Variants in DTNB observed in about 807,000 individuals in gnomAD.
The protein encoded by DTNB is dystrobrevin beta, also known as DTN-B.
In DTNB, 63 loss-of-function variants were observed where a neutral mutation model predicts 90.7. The ratio of observed to expected loss-of-function variants is 0.69; its 90% confidence interval spans 0.57 to 0.86. The LOEUF (loss-of-function observed/expected upper bound fraction) is 0.86. Ranked by LOEUF, DTNB falls within the 40% of genes least tolerant of loss-of-function variation. The pLI is 0.00. For missense variants in DTNB, 744 were observed against 807.1 expected (o/e 0.92, Z 0.95); for synonymous variants, 277 against 286.7 (o/e 0.97, Z 0.34).
At chr2:25,658,445 T>G (rs1277660870) in intron 1 of DTNB, among the ~76,000 whole-genome samples, 1 of 152,116 alleles carries the variant, frequency 6.6e-6, no homozygotes, top group Non-Finnish European at 1.5e-5. Flanking sequence ...AGTTGAAAAT[T>G]TATGTCCACA....
intron 16 of DTNB, among the ~76,000 whole-genome samples, chr2:25,390,551 C>A (rs968604282): frequency 1.3e-5 from 2 of 151,542 alleles, no homozygotes; most frequent in East Asian, 3.9e-4. Context: ...TCAACCAATT[C>A]TCCTGCCTCA....
intron 4 of DTNB, among the ~76,000 whole-genome samples, chr2:25,619,983 T>C (rs1267284718): frequency 1.3e-5 from 2 of 151,976 alleles, no homozygotes; most frequent in South Asian, 2.1e-4. Context: ...GAGGTTGCAG[T>C]GAGCTGAGAT....
rs138924641 is a variant in DTNB, at chr2:25,669,862, G to C, written c.-2+3524C>G. The stretch of plus-strand genomic sequence containing the variant: ...GGGAGAATCACTTGAGCCCTGGAGT[G>C]CCACTGCACTCCAGTCTGGGCGACA... On this transcript the variant is annotated intron_variant, in intron 1 of 20. Coordinates refer to ENST00000406818, the MANE Select transcript of DTNB (RefSeq NM_021907.5). Among the ~76,000 whole-genome samples the C allele has an allele frequency of 2.6e-3, 388 of 151,118 alleles. 3 individuals carry two copies. The highest frequency in any genetic ancestry group is 0.014 in the South Asian group (66 of 4,780).
intron 9 of DTNB, among the ~76,000 whole-genome samples, chr2:25,491,971 A>G (rs2067612744): frequency 6.6e-6 from 1 of 151,682 alleles, no homozygotes; most frequent in Admixed American, 6.6e-5. Flanking sequence ...CGTGGGAGCA[A>G]GAGGATTTGA....
At position 25,415,348 on chromosome 2, in the gene DTNB, G is replaced by A. The variant is rs565370389; in HGVS notation, c.1575+4167C>T. On this transcript the variant is annotated intron_variant, in intron 16 of 20. Coordinates refer to ENST00000406818, the MANE Select transcript of DTNB (RefSeq NM_021907.5). ...TGCAACATCCACCTCCCAGGTTCAA[G>A]CGATTCTCCTGCCTCAGCCTCCCGA... Among the ~76,000 whole-genome samples the A allele has an allele frequency of 2.7e-5, 4 of 150,316 alleles. No homozygotes were observed. The South Asian group carries it at 8.4e-4, about 32-fold the overall frequency.
At chr2:25,526,395 A>ATATATATATTTT in intron 9 of DTNB, among the ~76,000 whole-genome samples, 233 of 49,810 alleles carry the variant, frequency 4.7e-3, no homozygotes, top group African/African-American at 6.9e-3. Context: ...ATATATATAT[A>ATATATATATTTT]TTTTTTTTTT....
intron 10 of DTNB, among the ~76,000 whole-genome samples, chr2:25,470,409 T>G (rs1156679105): frequency 6.7e-6 from 1 of 149,296 alleles, no homozygotes; most frequent in Non-Finnish European, 1.5e-5. Flanking sequence ...AGACTTGCTC[T>G]GTTGTGCCCA....
intron 8 of DTNB, among the ~76,000 whole-genome samples, chr2:25,569,506 T>A (rs1343305427): frequency 6.6e-6 from 1 of 152,112 alleles, no homozygotes; most frequent in Non-Finnish European, 1.5e-5. Context: ...GAAATGAACA[T>A]GCCTAGATCA....
chr2:25,540,029 A>C lies in DTNB; in HGVS notation c.877-8432T>G, dbSNP rs143943978. On this transcript the variant is annotated intron_variant, in intron 8 of 20. Transcript: ENST00000406818. The stretch of plus-strand genomic sequence containing the variant: ...ATATTCTATTTTTGCTCCTATAACA[A>C]CACCAGTGATTTTATGACTACAGCT... Among the ~76,000 whole-genome samples, 756 of 152,296 alleles carry C rather than the reference A, an allele frequency of 5.0e-3. 2 individuals are homozygous for C. The highest frequency in any genetic ancestry group is 0.014 in the African/African-American group (571 of 41,560).
intron 16 of DTNB, among the ~76,000 whole-genome samples, chr2:25,397,453 T>C (rs1359856231): frequency 6.6e-6 from 1 of 151,740 alleles, no homozygotes; most frequent in African/African-American, 2.4e-5. Flanking sequence ...ATGTCCAGAA[T>C]AGGCAAATCT....
intron 2 of DTNB, among the ~76,000 whole-genome samples, chr2:25,643,260 C>T (rs982185005): frequency 1.3e-5 from 2 of 152,172 alleles, no homozygotes; most frequent in Admixed American, 6.5e-5. Flanking sequence ...CTTCCTTCAC[C>T]TCCTCAGACC....
chr2:25,554,472 G>A (rs1413090430), intron 8 of DTNB, among the ~76,000 whole-genome samples: 1 of 151,972 alleles, frequency 6.6e-6, no homozygotes, highest in Admixed American at 6.6e-5. Context: ...ATTGCTGGTA[G>A]GAGTGTAAAA....
rs943172522 is a variant in DTNB at position 25,427,358 on chromosome 2, G to A, written c.1554+177C>T. The A allele has an allele frequency of 7.9e-5, 40 of 506,982 alleles. 1 individual carries two copies. In the South Asian group the frequency reaches 9.4e-4, roughly 12 times the overall value. 31.4% of individuals were successfully genotyped at this position (506,982 alleles called of 1,614,324 possible). A position where few individuals can be genotyped will look rare whatever the true frequency, so the allele number is the denominator to read the frequency against. On this transcript the variant is annotated intron_variant, in intron 15 of 20. Transcript: ENST00000406818. ...CAGTTACTAATTTTTTAATAATCTG[G>A]CTTTGCACTAATTTAGATGACTTTT... is the stretch of plus-strand genomic sequence containing the variant.
intron 10 of DTNB, among the ~76,000 whole-genome samples, chr2:25,467,372 C>T (rs1197522504): frequency 1.3e-5 from 2 of 149,692 alleles, no homozygotes; most frequent in African/African-American, 4.9e-5. Flanking sequence ...GATCACAACT[C>T]ACTGCAGCCT....
rs530081795 is a variant in DTNB, at chr2:25,627,339, G to T, written c.362+832C>A. On this transcript the variant is annotated intron_variant, in intron 4 of 20. Coordinates refer to ENST00000406818, the MANE Select transcript of DTNB (RefSeq NM_021907.5). Reference sequence around the variant, plus strand: ...AGGCAGGAGAATCGCTTGAACCCGGGGGGTGGAGGTAGTGGTGAGCCGAGC... The same window carrying T: ...AGGCAGGAGAATCGCTTGAACCCGGTGGGTGGAGGTAGTGGTGAGCCGAGC... Among the ~76,000 whole-genome samples, 7 of 152,210 alleles carry T rather than the reference G, an allele frequency of 4.6e-5. No individual in the cohort carries two copies. In the South Asian group the frequency reaches 6.2e-4, roughly 14 times the overall value.
At chr2:25,455,241 GA>G (rs1200011658) in intron 11 of DTNB, among the ~76,000 whole-genome samples, 163 bp downstream of exon 11, 2 of 152,192 alleles carry the variant, frequency 1.3e-5, no homozygotes, top group Admixed American at 6.5e-5. Flanking sequence ...CTCTCTTGTA[GA>G]AGCTAATGCT....
At chr2:25,636,704 A>ACATTTAGC (rs1330864613) in intron 3 of DTNB, among the ~76,000 whole-genome samples, 2 of 152,144 alleles carry the variant, frequency 1.3e-5, no homozygotes, top group Non-Finnish European at 2.9e-5. Flanking sequence ...ATATCAGAAC[A>ACATTTAGC]CATTTAGCCT....
At chr2:25,630,119 C>G (rs1046106963) in intron 3 of DTNB, among the ~76,000 whole-genome samples, 3 of 152,110 alleles carry the variant, frequency 2.0e-5, no homozygotes, top group African/African-American at 7.2e-5. Flanking sequence ...AAATGGCCAA[C>G]AAGCACATGA....
At chr2:25,451,452 T>G in intron 12 of DTNB, 96 bp downstream of exon 12, 1 of 1,303,056 alleles carries the variant, frequency 7.7e-7, no homozygotes, top group Admixed American at 2.3e-5. Context: ...CCGAGGTACC[T>G]GTTCTCCTAA....
Sources: allele counts gnomAD v4.1 joint callset (sites outside exome capture counted in the v4.1 genomes callset), GRCh38; gene constraint gnomAD v4.1.1; transcripts MANE v1.5; gene names NCBI Gene and HGNC (gene_info 2026-07-23, HGNC 2026-07-21).